PCDH15: variants seen among roughly 807,000 people sequenced by gnomAD.
The protein encoded by PCDH15 is protocadherin related 15.
In PCDH15, 129 loss-of-function variants were observed where a neutral mutation model predicts 178.5. The ratio of observed to expected loss-of-function variants is 0.72; its 90% confidence interval spans 0.63 to 0.84. The LOEUF is 0.84. PCDH15 is among the 40% of genes least tolerant of loss of function. The pLI, the probability that PCDH15 is intolerant of heterozygous loss-of-function variation, is 0.00. For missense variants in PCDH15, 2,230 were observed against 2,099.9 expected (o/e 1.06, Z -1.21); for synonymous variants, 800 against 732.0 (o/e 1.09, Z -1.50).
At chr10:54,836,913 T>G (rs547758165) in intron 3 of PCDH15, among the ~76,000 whole-genome samples, 1 of 152,156 alleles carries the variant, frequency 6.6e-6, no homozygotes, top group South Asian at 2.1e-4. Context: ...CCACATAAAA[T>G]TATTGTTATT....
At chr10:55,157,572 T>A (rs1838924830) in intron 2 of PCDH15, among the ~76,000 whole-genome samples, 1 of 150,730 alleles carries the variant, frequency 6.6e-6, no homozygotes, top group African/African-American at 2.4e-5. Flanking sequence ...CCAACAATGA[T>A]AGACTGGATT....
chr10:54,534,639 GAC>G (rs147435874), intron 2 of PCDH15, among the ~76,000 whole-genome samples: 2 of 151,862 alleles, frequency 1.3e-5, no homozygotes, highest in African/African-American at 2.4e-5. Context: ...TATTTACACA[GAC>G]ACACACACAC....
chr10:54,502,733 C>G (rs1453340998), intron 3 of PCDH15, among the ~76,000 whole-genome samples: 1 of 152,008 alleles, frequency 6.6e-6, no homozygotes, highest in Non-Finnish European at 1.5e-5. Context: ...AACAATGAGG[C>G]TTAATGCTTT....
rs182716561 is a variant in PCDH15 at position 54,124,337 on chromosome 10, G to A, written c.1917+8538C>T. ...TGGTGGGTGCCAGGAGCTGTGGGCT[G>A]GTGTTTGGGGAGTTAGTGTTTACTG... On this transcript the variant is annotated intron_variant, in intron 15 of 37. Transcript: ENST00000644397. Among the ~76,000 whole-genome samples the A allele has an allele frequency of 2.3e-3, 357 of 152,284 alleles. 2 individuals are homozygous for A. The highest frequency in any genetic ancestry group is 5.6e-3 in the South Asian group (27 of 4,824).
intron 2 of PCDH15, among the ~76,000 whole-genome samples, chr10:54,931,527 T>A (rs925974096): frequency 6.6e-6 from 1 of 152,158 alleles, no homozygotes; most frequent in Non-Finnish European, 1.5e-5. Flanking sequence ...ATAGGCAGAT[T>A]TGTCCACTTA....
chr10:54,585,554 C>T (rs1422876642), intron 2 of PCDH15: 2 of 228,320 alleles, frequency 8.8e-6, no homozygotes, highest in Middle Eastern at 4.6e-4. Flanking sequence ...GTAGGCTAAC[C>T]AATAGTTAAC....
At position 55,181,603 on chromosome 10, in the gene PCDH15, G is replaced by C. The variant is rs375709560; in HGVS notation, c.-155-14952C>G. 6.4e-4 allele frequency among the ~76,000 whole-genome samples: 98 copies of C among 151,984 alleles called. 1 individual carries two copies. In the South Asian group the frequency reaches 0.02, roughly 31 times the overall value. ...TTATTGACGATAATTTTCTAAGAGTGTCAACATTTTTAAAGATCTTGAACT... is the reference window on the plus strand; with the variant it reads ...TTATTGACGATAATTTTCTAAGAGTCTCAACATTTTTAAAGATCTTGAACT... On this transcript the variant is annotated intron_variant, in intron 1 of 5. Transcript: ENST00000458638.
At position 54,075,301 on chromosome 10, in the gene PCDH15, C is replaced by A. The variant is rs183589042; in HGVS notation, c.2091+4030G>T. 2.7e-3 allele frequency among the ~76,000 whole-genome samples: 405 copies of A among 152,002 alleles called. 2 individuals are homozygous for A. Among genetic ancestry groups the A allele is most frequent in the African/African-American group, 9.5e-3 (392 of 41,450 alleles). ...CTGAGGCAGGAGAATGGCCTGAACCCGGGAGGCGGAGTTTGCAGTGAGCCG... is the reference window on the plus strand; with the variant it reads ...CTGAGGCAGGAGAATGGCCTGAACCAGGGAGGCGGAGTTTGCAGTGAGCCG... On this transcript the variant is annotated intron_variant, in intron 17 of 37. Coordinates refer to ENST00000644397, the MANE Select transcript of PCDH15 (RefSeq NM_001384140.1).
chr10:54,530,431 T>C (rs2083789317), intron 2 of PCDH15, among the ~76,000 whole-genome samples: 1 of 152,172 alleles, frequency 6.6e-6, no homozygotes, highest in Non-Finnish European at 1.5e-5. Flanking sequence ...ATTGGCACAA[T>C]ACTAATGTGT....
chr10:54,643,529 T>A (rs569075970), intron 2 of PCDH15, among the ~76,000 whole-genome samples: 1 of 152,276 alleles, frequency 6.6e-6, no homozygotes, highest in South Asian at 2.1e-4. Flanking sequence ...TATTTTGATA[T>A]TTTCCCAGGA....
intron 3 of PCDH15, among the ~76,000 whole-genome samples, chr10:54,407,398 G>A (rs1264073668): frequency 6.6e-6 from 1 of 151,986 alleles, no homozygotes; most frequent in African/African-American, 2.4e-5. Flanking sequence ...TAATCATATG[G>A]AAGGTCACTT....
At chr10:54,265,353 C>T (rs182205085) in intron 8 of PCDH15, among the ~76,000 whole-genome samples, 4 of 152,054 alleles carry the variant, frequency 2.6e-5, no homozygotes, top group Non-Finnish European at 5.9e-5. Flanking sequence ...TATAAAGCAA[C>T]TACACAATTG....
chr10:54,054,137 T>A (rs2093834223), intron 18 of PCDH15, among the ~76,000 whole-genome samples: 1 of 152,128 alleles, frequency 6.6e-6, no homozygotes, highest in African/African-American at 2.4e-5. Context: ...ATTTAGATGC[T>A]TTCTGGAAAT....
At chr10:54,784,604 T>TGGGAAAAAGGCAATATATATTTGTATAAC (rs1566242469) in intron 1 of PCDH15, among the ~76,000 whole-genome samples, 1 of 151,818 alleles carries the variant, frequency 6.6e-6, no homozygotes, top group African/African-American at 2.4e-5. Flanking sequence ...AAATAAATGC[T>TGGGAAAAAGGCAATATATATTTGTATAAC]TAAGGGAGTC....
At chr10:54,184,830 C>A (rs757988330) in intron 12 of PCDH15, among the ~76,000 whole-genome samples, 1 of 151,840 alleles carries the variant, frequency 6.6e-6, no homozygotes, top group Non-Finnish European at 1.5e-5. Flanking sequence ...GGAAATAATT[C>A]TTTATACCTC....
At chr10:54,775,258 G>A (rs1425033700) in intron 1 of PCDH15, among the ~76,000 whole-genome samples, 1 of 152,122 alleles carries the variant, frequency 6.6e-6, no homozygotes, top group East Asian at 1.9e-4. Flanking sequence ...TTATCCTAAC[G>A]AGATTAATGA....
At chr10:54,736,076 CA>C (rs1944079643) in intron 1 of PCDH15, among the ~76,000 whole-genome samples, 1 of 151,862 alleles carries the variant, frequency 6.6e-6, no homozygotes, top group South Asian at 2.1e-4. Flanking sequence ...TTCCTTAGGT[CA>C]AACTGCATTT....
intron 2 of PCDH15, among the ~76,000 whole-genome samples, chr10:54,563,017 G>A (rs180848432): frequency 1.3e-5 from 2 of 152,086 alleles, no homozygotes; most frequent in East Asian, 3.9e-4. Flanking sequence ...CTCATGTATA[G>A]GAGATAAAAG....
chr10:55,045,008 C>T (rs1275106354), intron 2 of PCDH15, among the ~76,000 whole-genome samples: 1 of 152,074 alleles, frequency 6.6e-6, no homozygotes, highest in East Asian at 1.9e-4. Flanking sequence ...TCTAAGCCTG[C>T]AAACCATACT....
Sources: allele counts gnomAD v4.1 joint callset (sites outside exome capture counted in the v4.1 genomes callset), GRCh38; gene constraint gnomAD v4.1.1; transcripts MANE v1.5; gene names NCBI Gene and HGNC (gene_info 2026-07-23, HGNC 2026-07-21).